The following ZSCAN18 variants were observed in gnomAD, a reference collection of about 807,000 sequenced individuals.
The protein encoded by ZSCAN18 is zinc finger and SCAN domain-containing protein 18.
A neutral mutation model predicts 31.1 loss-of-function variants in ZSCAN18; 16 were observed. The ratio of observed to expected loss-of-function variants is 0.51; its 90% CI spans 0.35 to 0.78. ZSCAN18 has a LOEUF of 0.78. Among genes scored for constraint, ZSCAN18 ranks in the 30% least tolerant of loss-of-function variants. The probability of loss-of-function intolerance (pLI) is 0.01; values close to 1 mark genes in which losing one functional copy is unlikely to be tolerated. For missense variants in ZSCAN18, 731 were observed against 697.4 expected (o/e 1.05, Z -0.54); for synonymous variants, 375 against 320.7 (o/e 1.17, Z -1.81).
intron 1 of ZSCAN18, among the ~76,000 whole-genome samples, chr19:58,110,063 T>C (rs1197180101): frequency 2.0e-5 from 3 of 152,114 alleles, no homozygotes; most frequent in Non-Finnish European, 4.4e-5. Context: ...TTATTTTTTG[T>C]AGAGACAAGT....
At chr19:58,089,686 T>C (rs1179445186) in intron 2 of ZSCAN18, among the ~76,000 whole-genome samples, 179 bp downstream of exon 2, 2 of 152,232 alleles carry the variant, frequency 1.3e-5, no homozygotes, top group East Asian at 3.8e-4. Context: ...CTCATTCCTC[T>C]GGCTTCCTTA....
chr19:58,093,421 A>G (rs1378862706), intron 1 of ZSCAN18: 1 of 152,176 alleles, frequency 6.6e-6, no homozygotes, highest in African/African-American at 2.4e-5. Flanking sequence ...CATATGGAGA[A>G]GCAGGATAGC....
At chr19:58,087,109 C>G in intron 4 of ZSCAN18, 101 bp from the exon 5 acceptor site, 1 of 1,113,536 alleles carries the variant, frequency 9.0e-7, no homozygotes, top group South Asian at 1.5e-5. Flanking sequence ...CCAGCCCTGG[C>G]CAGGGACTCT....
intron 1 of ZSCAN18, among the ~76,000 whole-genome samples, chr19:58,112,586 G>A (rs1036050455): frequency 1.3e-5 from 2 of 151,124 alleles, no homozygotes; most frequent in African/African-American, 4.9e-5. Context: ...AGGAGGCGGA[G>A]ATTGCAGTGA....
At position 58,088,740 on chromosome 19, in the gene ZSCAN18, C is replaced by T. The variant is rs138741778; in HGVS notation, c.501G>A (p.Ala167=). The change falls in exon 3 of 7, where the codon GCG becomes GCA. Residue 167 remains alanine (A), a synonymous_variant. Coordinates refer to ENST00000601144, the MANE Select transcript of ZSCAN18 (RefSeq NM_001145543.2). ...CAGCTCCAAGGGCCTGGCTGGGGCT[C>T]GCGAGCTCGCCTGGTAGCAGCAGAG... ...MDPLLLPGEL[A]SPSQALGAGE... 1,160 of 1,604,110 alleles carry T rather than the reference C, an allele frequency of 7.2e-4. 9 individuals carry two copies. In the African/African-American group the frequency reaches 0.013, roughly 18 times the overall value.
At chr19:58,088,326 G>T (rs1023720503) in intron 3 of ZSCAN18, 1 of 185,640 alleles carries the variant, frequency 5.4e-6, no homozygotes, top group African/African-American at 2.3e-5. Flanking sequence ...CACAGAGCCC[G>T]ACCCCAGGCC....
In ZSCAN18 at chr19:58,087,392, G is replaced by T; in HGVS notation, c.566C>A (p.Pro189Gln). 2 of 1,599,994 alleles carry T rather than the reference G, an allele frequency of 1.3e-6. No individual in the cohort carries two copies. Among genetic ancestry groups the T allele is most frequent in the Admixed American group, 1.7e-5 (1 of 58,168 alleles). Residue 189 changes from proline to glutamine, a missense_variant, in exon 4 of 7, where the codon CCG (proline) becomes CAG (glutamine). Physicochemically the swap from Pro to Gln is moderately conservative, Grantham distance 76. Transcript: ENST00000601144. ...CCTCTGTTCCAGAAACAGGGGGTCC[G>T]GAGAAAGCCAGGCTGGGGAGAAGGA... ...PAPSETPWLS[P>Q]DPLFLEQRRV...
chr19:58,104,055 G>A (rs2074614941), intron 1 of ZSCAN18, among the ~76,000 whole-genome samples: 1 of 152,192 alleles, frequency 6.6e-6, no homozygotes, highest in Non-Finnish European at 1.5e-5. Context: ...TTTCTATGAA[G>A]GCTGTGAGAG....
upstream of ZSCAN18, among the ~76,000 whole-genome samples, chr19:58,102,072 G>A (rs963597501): frequency 6.6e-6 from 1 of 151,892 alleles, no homozygotes; most frequent in African/African-American, 2.4e-5. Context: ...ACACACACAC[G>A]ATTACTGACC....
At chr19:58,089,661 G>C (rs2074370204) in intron 2 of ZSCAN18, among the ~76,000 whole-genome samples, 1 of 152,210 alleles carries the variant, frequency 6.6e-6, no homozygotes, top group Non-Finnish European at 1.5e-5. Flanking sequence ...AAATAAAAGA[G>C]GCTGGTCCCT....
chr19:58,117,420 G>A (rs771606266), intron 1 of ZSCAN18, among the ~76,000 whole-genome samples: 1 of 152,110 alleles, frequency 6.6e-6, no homozygotes, highest in East Asian at 1.9e-4. Context: ...AGCAGGGATG[G>A]GAGGAAGCCT....
At chr19:58,101,299 A>ATTTTT (rs71188078), upstream of ZSCAN18, among the ~76,000 whole-genome samples, 9 of 108,384 alleles carry the variant, frequency 8.3e-5, no homozygotes, top group African/African-American at 1.1e-4. Flanking sequence ...TGCCCAGCTA[A>ATTTTT]TTTTTTTTTT....
chr19:58,087,802 G>A (rs928319489), intron 3 of ZSCAN18: 16 of 167,298 alleles, frequency 9.6e-5, no homozygotes, highest in Non-Finnish European at 1.7e-4. Flanking sequence ...TGCGGACCCG[G>A]CTAATTTTTG....
chr19:58,108,820 T>A, intron 1 of ZSCAN18: 2 of 969,166 alleles, frequency 2.1e-6, no homozygotes, highest in Non-Finnish European at 2.4e-6. Context: ...CTGAAGGAGT[T>A]ACCACCTTCG....
In ZSCAN18 at chr19:58,084,755, G is replaced by A. The variant is rs1031112677; in HGVS notation, c.1463C>T (p.Ala488Val). ...GCTCTCTGGGGGACCGCCCGCCCTA[G>A]CCCCCGCCTGGGCTTCGCGGGTGGA... ...QPSTREAQAGARAGGPPESVE... is the reference protein window; with the variant it reads ...QPSTREAQAGVRAGGPPESVE... The change falls in exon 7 of 7, where the codon GCT becomes GTT. Residue 488 changes from alanine (A) to valine (V), a missense_variant. Around this residue, in one of 4 missense-constraint regions of ZSCAN18, gnomAD observed 597 missense variants for 499.5 expected, o/e 1.20. Transcript: ENST00000601144. The surrounding 1 kb of genome is among the most constrained non-coding windows in gnomAD (Gnocchi z 4.5). 6.4e-7 allele frequency: 1 copy of A among 1,564,322 alleles called. No homozygotes were observed. Among genetic ancestry groups the A allele is most frequent in the Non-Finnish European group, 8.6e-7 (1 of 1,163,656 alleles).
At chr19:58,098,982 C>T (rs2074569686), upstream of ZSCAN18, among the ~76,000 whole-genome samples, 1 of 152,102 alleles carries the variant, frequency 6.6e-6, no homozygotes, top group South Asian at 2.1e-4. Flanking sequence ...TTTGGCAAAG[C>T]CCCATATAAA....
intron 1 of ZSCAN18, among the ~76,000 whole-genome samples, chr19:58,092,077 A>G (rs1199466384): frequency 6.6e-6 from 1 of 152,160 alleles, no homozygotes; most frequent in African/African-American, 2.4e-5. Context: ...CTATGGAGAC[A>G]AAATGTAGAT....
rs578225769 is a variant in ZSCAN18 at position 58,108,068 on chromosome 19, A to AT, written c.130+10198dup. ...ATGAGGTACATAATCTCAGTGAAAG[A>AT]TTTTTTCACATTGTTTAACTCATGA... On this transcript the variant is annotated intron_variant, in intron 1 of 1. Coordinates refer to the ZSCAN18 transcript ENST00000595721. 52 of 997,056 alleles carry AT rather than the reference A, an allele frequency of 5.2e-5. 2 individuals carry two copies. The South Asian group carries it at 2.0e-3, about 37-fold the overall frequency. The allele number at this position is 997,056 out of a possible 1,614,324, so 61.8% of individuals were successfully genotyped here.
At chr19:58,095,663 G>C (rs908123803) in intron 1 of ZSCAN18, among the ~76,000 whole-genome samples, 66 of 152,314 alleles carry the variant, frequency 4.3e-4, no homozygotes, top group African/African-American at 1.5e-3. Context: ...GCAGGGGCGG[G>C]ATGACGTGGG....
Sources: allele counts gnomAD v4.1 joint callset (sites outside exome capture counted in the v4.1 genomes callset), GRCh38; gene constraint gnomAD v4.1.1; regional missense constraint gnomAD v4.1.1; non-coding constraint Gnocchi (gnomAD v3.1); transcripts MANE v1.5; gene names NCBI Gene and HGNC (gene_info 2026-07-23, HGNC 2026-07-21).